SAMMSON: variants seen among roughly 807,000 people sequenced by gnomAD.
SAMMSON encodes the protein survival associated mitochondrial melanoma specific oncogenic non-coding RNA.
intron 6 of SAMMSON, among the ~76,000 whole-genome samples, chr3:70,284,853 G>A (rs1702126467): frequency 1.3e-5 from 2 of 152,026 alleles, no homozygotes; most frequent in Non-Finnish European, 1.5e-5. Flanking sequence ...CATGACACAA[G>A]TTTACCTATG....
intron 6 of SAMMSON, among the ~76,000 whole-genome samples, chr3:70,290,830 C>T (rs1040587432): frequency 5.9e-5 from 9 of 152,156 alleles, no homozygotes; most frequent in Non-Finnish European, 7.3e-5. Context: ...TTTCCAGGTG[C>T]GGTCCTCACC....
intron 4 of SAMMSON, among the ~76,000 whole-genome samples, chr3:70,096,373 G>A (rs1017204116): frequency 1.3e-5 from 2 of 152,090 alleles, no homozygotes; most frequent in Non-Finnish European, 2.9e-5. Flanking sequence ...CTGGGACCTC[G>A]TCTCTACAAA....
intron 7 of SAMMSON, among the ~76,000 whole-genome samples, chr3:70,341,749 G>A (rs926393521): frequency 6.6e-5 from 10 of 152,112 alleles, no homozygotes; most frequent in African/African-American, 2.4e-4. Context: ...GAGCAGAAGG[G>A]CAGAAAGAAC....
chr3:70,402,451 C>T (rs1701147921), intron 2 of SAMMSON, among the ~76,000 whole-genome samples: 1 of 152,076 alleles, frequency 6.6e-6, no homozygotes, highest in Non-Finnish European at 1.5e-5. Context: ...TACATTGTTT[C>T]ATGAAGTTCA....
chr3:70,265,564 G>A (rs1701909824), intron 6 of SAMMSON, among the ~76,000 whole-genome samples: 1 of 152,134 alleles, frequency 6.6e-6, no homozygotes, highest in South Asian at 2.1e-4. Flanking sequence ...TTAGGGTGGG[G>A]TTGCATTATC....
At chr3:70,296,542 C>T (rs1405007126) in intron 7 of SAMMSON, among the ~76,000 whole-genome samples, 1 of 152,134 alleles carries the variant, frequency 6.6e-6, no homozygotes, top group African/African-American at 2.4e-5. Context: ...TAATTCACAT[C>T]AGTTGGAATC....
chr3:70,203,154 C>T (rs1334075274), intron 4 of SAMMSON, among the ~76,000 whole-genome samples: 1 of 152,052 alleles, frequency 6.6e-6, no homozygotes, highest in Non-Finnish European at 1.5e-5. Flanking sequence ...ATCACAATCC[C>T]TCCTCATCCT....
At chr3:70,268,565 T>C (rs368164025) in intron 6 of SAMMSON, among the ~76,000 whole-genome samples, 11 of 151,484 alleles carry the variant, frequency 7.3e-5, no homozygotes, top group Admixed American at 5.9e-4. Flanking sequence ...TCCAAGGCCA[T>C]AGTTCACATT....
intron 3 of SAMMSON, among the ~76,000 whole-genome samples, chr3:70,071,212 A>G (rs750577577): frequency 1.3e-5 from 2 of 152,052 alleles, no homozygotes; most frequent in Non-Finnish European, 2.9e-5. Flanking sequence ...TTATACGTGC[A>G]TCTGTGCATC....
At chr3:70,340,384 G>GTATA (rs35449676) in intron 7 of SAMMSON, among the ~76,000 whole-genome samples, 3 of 24,564 alleles carry the variant, frequency 1.2e-4, no homozygotes, top group Non-Finnish European at 3.4e-4. Context: ...TAGAACTAAA[G>GTATA]TATATATATA....
At chr3:70,252,072 T>C (rs80025380) in intron 6 of SAMMSON, among the ~76,000 whole-genome samples, 15,966 of 152,208 alleles carry the variant, frequency 0.1, 1,002 homozygotes, top group East Asian at 0.22. Context: ...TATTATTAAG[T>C]CTTTCAATTC....
intron 4 of SAMMSON, among the ~76,000 whole-genome samples, chr3:70,129,433 C>T (rs1039774803): frequency 1.3e-5 from 2 of 152,118 alleles, no homozygotes; most frequent in Admixed American, 6.6e-5. Context: ...TGGTGGAAAA[C>T]ATTCGAGTAT....
intron 7 of SAMMSON, among the ~76,000 whole-genome samples, chr3:70,340,398 A>AT (rs59152271): frequency 0.61 from 92,634 of 151,020 alleles, 28,783 homozygotes; most frequent in Admixed American, 0.67. Context: ...ATATATATAT[A>AT]AAAAAAGCAG....
At chr3:70,333,103 T>C (rs978762436) in intron 7 of SAMMSON, among the ~76,000 whole-genome samples, 5 of 152,282 alleles carry the variant, frequency 3.3e-5, no homozygotes, top group African/African-American at 1.2e-4. Context: ...AATTTTTTTT[T>C]CTCTTGTTGC....
intron 4 of SAMMSON, among the ~76,000 whole-genome samples, chr3:70,179,969 T>G (rs1164502774): frequency 6.6e-6 from 1 of 151,472 alleles, no homozygotes; most frequent in African/African-American, 2.4e-5. Context: ...CCTCTCATCA[T>G]GGGATAGATT....
In SAMMSON at chr3:70,427,968, A is replaced by C. The variant is rs151252885; in HGVS notation, n.234-34592A>C. 9.8e-3 allele frequency among the ~76,000 whole-genome samples: 1,493 copies of C among 152,302 alleles called. 14 individuals are homozygous for C. The highest frequency in any genetic ancestry group is 0.014 in the Non-Finnish European group (936 of 68,028). Reference sequence around the variant, plus strand: ...TAACAATGGACAGTCAGGAAATGAAATTCTAAATAAATAATTTTATGTTAG... The same window carrying C: ...TAACAATGGACAGTCAGGAAATGAACTTCTAAATAAATAATTTTATGTTAG... On this transcript the variant is annotated intron_variant and non_coding_transcript_variant, in intron 2 of 3. Coordinates refer to the SAMMSON transcript ENST00000641053.
intron 4 of SAMMSON, among the ~76,000 whole-genome samples, chr3:70,086,766 T>A (rs1478122449): frequency 6.6e-6 from 1 of 152,228 alleles, no homozygotes; most frequent in African/African-American, 2.4e-5. Context: ...GTTCTCATAC[T>A]GATTATGATT....
intron 2 of SAMMSON, among the ~76,000 whole-genome samples, chr3:70,421,788 T>G (rs1270097844): frequency 6.6e-6 from 1 of 152,148 alleles, no homozygotes; most frequent in African/African-American, 2.4e-5. Context: ...ATGCTTGGTC[T>G]TAATTAGCAT....
chr3:70,287,684 G>T (rs57485506), intron 6 of SAMMSON, among the ~76,000 whole-genome samples: 1 of 151,692 alleles, frequency 6.6e-6, no homozygotes, highest in Non-Finnish European at 1.5e-5. Flanking sequence ...AATCCGTCTG[G>T]TCCTGGACTC....
Sources: allele counts gnomAD v4.1 joint callset (sites outside exome capture counted in the v4.1 genomes callset), GRCh38; gene constraint gnomAD v4.1.1; transcripts MANE v1.5; gene names NCBI Gene and HGNC (gene_info 2026-07-23, HGNC 2026-07-21).